ZKSCAN1: variants seen among roughly 807,000 people sequenced by gnomAD.
The protein encoded by ZKSCAN1 is zinc finger with KRAB and SCAN domains 1.
Under a neutral mutation model 51.6 loss-of-function variants are expected in ZKSCAN1, and 14 were observed. That is an observed-to-expected ratio of 0.27 (90% CI 0.18 to 0.42). ZKSCAN1 has a LOEUF of 0.42. Among genes scored for constraint, ZKSCAN1 ranks in the 10% least tolerant of loss-of-function variants. The probability of loss-of-function intolerance (pLI) is 1.00; values close to 1 mark genes in which losing one functional copy is unlikely to be tolerated. For missense variants in ZKSCAN1, 531 were observed against 710.0 expected, an observed-to-expected ratio of 0.75 and a Z score of 2.86; for synonymous variants, 263 against 261.5, an observed-to-expected ratio of 1.01 and a Z score of -0.06.
intron 3 of ZKSCAN1, among the ~76,000 whole-genome samples, chr7:100,028,890 C>G (rs550839995): frequency 9.6e-4 from 145 of 151,664 alleles, no homozygotes; most frequent in Middle Eastern, 6.9e-3. Flanking sequence ...GGTGGCCGGA[C>G]ACAGTGGCTA....
In ZKSCAN1 at chr7:100,040,593, A is replaced by G; in HGVS notation, c.*6396A>G. On this transcript the variant is annotated 3_prime_UTR_variant, in exon 6 of 6. Coordinates refer to ENST00000324306, the MANE Select transcript of ZKSCAN1 (RefSeq NM_003439.4). ...TCCAGGGAAGGGTCCAAGCAGCCAC[A>G]GTTGCCCTAAATCTCCATCATTAAG... is the stretch of plus-strand genomic sequence containing the variant. The G allele has an allele frequency of 1.0e-6, 1 of 985,456 alleles. No homozygotes were observed. Among genetic ancestry groups the G allele is most frequent in the Non-Finnish European group, 1.2e-6 (1 of 829,944 alleles). 61.0% of individuals were successfully genotyped at this position (985,456 alleles called of 1,614,324 possible).
downstream of ZKSCAN1, among the ~76,000 whole-genome samples, chr7:100,043,306 A>G (rs772282213): frequency 7.9e-5 from 12 of 151,280 alleles, no homozygotes; most frequent in Non-Finnish European, 1.2e-4. Flanking sequence ...TCCTCAAGCA[A>G]TCCTCCCACC....
At chr7:100,030,191 G>A in intron 4 of ZKSCAN1, 58 bp from the exon 5 acceptor site, 2 of 1,589,178 alleles carry the variant, frequency 1.3e-6, no homozygotes. Flanking sequence ...CCAGGTTTGA[G>A]CAATGGGATT....
chr7:100,021,116 CTTTT>C (rs60632908), intron 1 of ZKSCAN1, among the ~76,000 whole-genome samples: 2 of 85,318 alleles, frequency 2.3e-5, no homozygotes, highest in South Asian at 5.3e-4. Context: ...TTTTTTTTTC[CTTTT>C]TTTTTTTTTT....
chr7:100,045,001 C>T (rs1293426069), downstream of ZKSCAN1: 12 of 982,234 alleles, frequency 1.2e-5, no homozygotes, highest in Non-Finnish European at 1.3e-5. Context: ...TAGAGAGAAC[C>T]ATGAACACCT....
In ZKSCAN1 at chr7:100,035,995, C is replaced by T. The variant is rs1791347218; in HGVS notation, c.*1798C>T. 2 of 985,414 alleles carry T rather than the reference C, an allele frequency of 2.0e-6. No homozygotes were observed. Among genetic ancestry groups the T allele is most frequent in the Non-Finnish European group, 2.4e-6 (2 of 829,928 alleles). The allele number at this position is 985,414 out of a possible 1,614,324, so 61.0% of individuals were successfully genotyped here. ...TGACCTCCCCATAACAAGAGAACCCCATATATAGTTTGAGACTTTCCCTTG... is the reference window on the plus strand; with the variant it reads ...TGACCTCCCCATAACAAGAGAACCCTATATATAGTTTGAGACTTTCCCTTG... On this transcript the variant is annotated 3_prime_UTR_variant, in exon 6 of 6. Coordinates refer to ENST00000324306, the MANE Select transcript of ZKSCAN1 (RefSeq NM_003439.4).
chr7:100,035,946 G>A lies in ZKSCAN1; in HGVS notation c.*1749G>A. 6.1e-6 allele frequency: 6 copies of A among 985,418 alleles called. No individual in the cohort carries two copies. Among genetic ancestry groups the A allele is most frequent in the Non-Finnish European group, 7.2e-6 (6 of 829,950 alleles). 61.0% of individuals were successfully genotyped at this position (985,418 alleles called of 1,614,324 possible). A position where few individuals can be genotyped will look rare whatever the true frequency, so the allele number is the denominator to read the frequency against. Reference sequence around the variant, plus strand: ...CTGCGGAAACAGAAACATAGACTGAGAACAAACCTCAAGACTATCAGTGTG... The same window carrying A: ...CTGCGGAAACAGAAACATAGACTGAAAACAAACCTCAAGACTATCAGTGTG... On this transcript the variant is annotated 3_prime_UTR_variant, in exon 6 of 6. Coordinates refer to ENST00000324306, the MANE Select transcript of ZKSCAN1 (RefSeq NM_003439.4).
At chr7:100,029,519 A>G (rs1791008962) in intron 3 of ZKSCAN1, among the ~76,000 whole-genome samples, 1 of 152,260 alleles carries the variant, frequency 6.6e-6, no homozygotes, top group Non-Finnish European at 1.5e-5. Flanking sequence ...ACCCACTTTT[A>G]TAGCTGAGAA....
At position 100,041,142 on chromosome 7, in the gene ZKSCAN1, A is replaced by G. The variant is rs2116002985; in HGVS notation, c.*6945A>G. ...GTCTTGTTTATTTGTAGACTGGATT[A>G]AAAACAACCTGTCCTGTTTTGTCAG... On this transcript the variant is annotated 3_prime_UTR_variant, in exon 6 of 6. Coordinates refer to ENST00000324306, the MANE Select transcript of ZKSCAN1 (RefSeq NM_003439.4). The G allele has an allele frequency of 1.3e-6, 1 of 765,770 alleles. No individual in the cohort carries two copies. Among genetic ancestry groups the G allele is most frequent in the Non-Finnish European group, 1.6e-6 (1 of 629,566 alleles). The allele number at this position is 765,770 out of a possible 1,614,324, so 47.4% of individuals were successfully genotyped here.
chr7:100,041,240 G>A lies in ZKSCAN1; in HGVS notation c.*7043G>A. 1.2e-6 allele frequency: 1 copy of A among 858,632 alleles called. No homozygotes were observed. The highest frequency in any genetic ancestry group is 1.8e-5 in the African/African-American group (1 of 54,728). The allele number at this position is 858,632 out of a possible 1,614,324, so 53.2% of individuals were successfully genotyped here. A position where few individuals can be genotyped will look rare whatever the true frequency, so the allele number is the denominator to read the frequency against. On this transcript the variant is annotated 3_prime_UTR_variant, in exon 6 of 6. Transcript: ENST00000324306. ...GCTTGTCTCTGTATACCCGCAGAAT[G>A]AAGTTACTGTTGTTAAAACTGGATT...
rs1172934608 is a variant in ZKSCAN1, at chr7:100,015,678, C to T, written c.-137C>T. 1.3e-5 allele frequency: 2 copies of T among 152,344 alleles called. No individual in the cohort carries two copies. The highest frequency in any genetic ancestry group is 2.9e-5 in the Non-Finnish European group (2 of 68,170). The allele number at this position is 152,344 out of a possible 1,614,324, so 9.4% of individuals were successfully genotyped here. ...CTTCGGCCGGCCTGAGCCCCAGAGTCAGCTCCCCTTTCTCGCCCAGCGCCC... is the reference window on the plus strand; with the variant it reads ...CTTCGGCCGGCCTGAGCCCCAGAGTTAGCTCCCCTTTCTCGCCCAGCGCCC... On this transcript the variant is annotated 5_prime_UTR_variant, in exon 1 of 6. Coordinates refer to ENST00000324306, the MANE Select transcript of ZKSCAN1 (RefSeq NM_003439.4).
rs1237070878 is a variant in ZKSCAN1, at chr7:100,040,376, T to A, written c.*6179T>A. 17 of 985,306 alleles carry A rather than the reference T, an allele frequency of 1.7e-5. No individual in the cohort carries two copies. Among genetic ancestry groups the A allele is most frequent in the Non-Finnish European group, 2.0e-5 (17 of 829,922 alleles). 61.0% of individuals were successfully genotyped at this position (985,306 alleles called of 1,614,324 possible). A position where few individuals can be genotyped will look rare whatever the true frequency, so the allele number is the denominator to read the frequency against. ...CCTCCATTTACTAAAGAATCGTGAC[T>A]TAATTCAAATTGCACAGTAATCAGT... On this transcript the variant is annotated 3_prime_UTR_variant, in exon 6 of 6. Transcript: ENST00000324306.
chr7:100,025,878 G>C (rs1584336345), intron 3 of ZKSCAN1, among the ~76,000 whole-genome samples: 1 of 152,168 alleles, frequency 6.6e-6, no homozygotes, highest in Non-Finnish European at 1.5e-5. Flanking sequence ...TTGAGGTTAG[G>C]AGTTTGTGAC....
At position 100,040,317 on chromosome 7, in the gene ZKSCAN1, C is replaced by T; in HGVS notation, c.*6120C>T. The T allele has an allele frequency of 2.0e-6, 2 of 985,416 alleles. No individual in the cohort carries two copies. Among genetic ancestry groups the T allele is most frequent in the Non-Finnish European group, 2.4e-6 (2 of 829,928 alleles). 61.0% of individuals were successfully genotyped at this position (985,416 alleles called of 1,614,324 possible). Reference sequence around the variant, plus strand: ...CTGGGTGTTTGGTAGACTTCTAAATCATGGTCTCTGACAATTTGAATCTGA... The same window carrying T: ...CTGGGTGTTTGGTAGACTTCTAAATTATGGTCTCTGACAATTTGAATCTGA... On this transcript the variant is annotated 3_prime_UTR_variant, in exon 6 of 6. Transcript: ENST00000324306.
chr7:100,031,659 TGTC>T, intron 5 of ZKSCAN1, among the ~76,000 whole-genome samples: 2 of 152,340 alleles, frequency 1.3e-5, no homozygotes, highest in African/African-American at 4.8e-5. Flanking sequence ...TTTTTACTAA[TGTC>T]GTAACCACTT....
In ZKSCAN1 at chr7:100,039,455, T is replaced by C; in HGVS notation, c.*5258T>C. Reference sequence around the variant, plus strand: ...ATGAAGCTCGGGAAGCATTTTGCAATATTCCCTTTGGCTGTGTTCCTGTGT... The same window carrying C: ...ATGAAGCTCGGGAAGCATTTTGCAACATTCCCTTTGGCTGTGTTCCTGTGT... On this transcript the variant is annotated 3_prime_UTR_variant, in exon 6 of 6. Transcript: ENST00000324306. The C allele has an allele frequency of 4.1e-6, 4 of 985,462 alleles. No individual in the cohort carries two copies. Among genetic ancestry groups the C allele is most frequent in the Non-Finnish European group, 4.8e-6 (4 of 829,938 alleles). The allele number at this position is 985,462 out of a possible 1,614,324, so 61.0% of individuals were successfully genotyped here.
rs1376158941 is a variant in ZKSCAN1 at position 100,034,364 on chromosome 7, G to T, written c.*167G>T. The T allele has an allele frequency of 7.3e-7, 1 of 1,374,746 alleles. No homozygotes were observed. Among genetic ancestry groups the T allele is most frequent in the African/African-American group, 1.5e-5 (1 of 68,844 alleles). 85.2% of individuals were successfully genotyped at this position (1,374,746 alleles called of 1,614,324 possible). A position where few individuals can be genotyped will look rare whatever the true frequency, so the allele number is the denominator to read the frequency against. ...AGCAGTGTTCTGCCTTTATGTAGTA[G>T]TTGGGCATATAATCCTTCCACACAG... On this transcript the variant is annotated 3_prime_UTR_variant, in exon 6 of 6. Transcript: ENST00000324306.
chr7:100,030,836 A>G (rs1791075769), intron 5 of ZKSCAN1, among the ~76,000 whole-genome samples: 1 of 152,160 alleles, frequency 6.6e-6, no homozygotes, highest in Non-Finnish European at 1.5e-5. Context: ...GTCTTCTTCC[A>G]TCCTGTGTGA....
At position 100,038,085 on chromosome 7, in the gene ZKSCAN1, T is replaced by G. The variant is rs1584354714; in HGVS notation, c.*3888T>G. On this transcript the variant is annotated 3_prime_UTR_variant, in exon 6 of 6. Transcript: ENST00000324306. Reference sequence around the variant, plus strand: ...CAGAGGATCTACAGATGAAAAAAAATGTGGGGAAATGCTTTAAAAAAATAG... The same window carrying G: ...CAGAGGATCTACAGATGAAAAAAAAGGTGGGGAAATGCTTTAAAAAAATAG... 5 of 984,656 alleles carry G rather than the reference T, an allele frequency of 5.1e-6. No homozygotes were observed. Among genetic ancestry groups the G allele is most frequent in the Non-Finnish European group, 6.0e-6 (5 of 829,790 alleles). 61.0% of individuals were successfully genotyped at this position (984,656 alleles called of 1,614,324 possible).
Sources: allele counts gnomAD v4.1 joint callset (sites outside exome capture counted in the v4.1 genomes callset), GRCh38; gene constraint gnomAD v4.1.1; transcripts MANE v1.5; gene names NCBI Gene and HGNC (gene_info 2026-07-23, HGNC 2026-07-21).